Variants in KLF13 observed in about 807,000 individuals in gnomAD.
KLF13 encodes the protein KLF transcription factor 13.
Under a neutral mutation model 16.7 loss-of-function variants are expected in KLF13, and 8 were observed. That is an observed-to-expected ratio of 0.48 (90% CI 0.28 to 0.87). The LOEUF (loss-of-function observed/expected upper bound fraction) is 0.87, where lower values mean the gene tolerates loss of function less well. KLF13 is among the 40% of genes least tolerant of loss of function. KLF13 has a pLI of 0.10. For missense variants in KLF13, 447 were observed against 452.2 expected, an observed-to-expected ratio of 0.99 and a Z score of 0.10; for synonymous variants, 245 against 208.4, an observed-to-expected ratio of 1.18 and a Z score of -1.51.
At chr15:31,357,498 G>A (rs982662268) in intron 1 of KLF13, among the ~76,000 whole-genome samples, 1 of 152,218 alleles carries the variant, frequency 6.6e-6, no homozygotes, top group African/African-American at 2.4e-5. Flanking sequence ...TCTCCTTCCG[G>A]GTTTTCCCCC....
intron 1 of KLF13, among the ~76,000 whole-genome samples, chr15:31,354,835 C>T (rs1015898549): frequency 3.9e-5 from 6 of 152,134 alleles, no homozygotes; most frequent in African/African-American, 1.4e-4. Flanking sequence ...TGAAGGAAAT[C>T]CCAGATGCAA....
At chr15:31,397,406 G>A (rs756499465) in intron 2 of KLF13, among the ~76,000 whole-genome samples, 1 of 152,252 alleles carries the variant, frequency 6.6e-6, no homozygotes, top group Non-Finnish European at 1.5e-5. Flanking sequence ...CAGGCCTGGG[G>A]CGGTGGCGCC....
chr15:31,348,131 G>C (rs1251675944), intron 1 of KLF13, among the ~76,000 whole-genome samples: 1 of 152,344 alleles, frequency 6.6e-6, no homozygotes, highest in Non-Finnish European at 1.5e-5. Context: ...AAACACGCAG[G>C]CTTTGTGGGA....
chr15:31,420,543 T>G, intron 1 of KLF13: 1 of 535,004 alleles, frequency 1.9e-6, no homozygotes, highest in South Asian at 1.7e-5. Flanking sequence ...CAGAGCCTGC[T>G]AGGAGAACCC....
intron 1 of KLF13, among the ~76,000 whole-genome samples, chr15:31,417,605 G>A (rs775651202): frequency 2.6e-5 from 4 of 151,472 alleles, no homozygotes; most frequent in African/African-American, 4.9e-5. Context: ...GCAATGGTGC[G>A]ATCTCGGCTC....
At chr15:31,386,500 A>T (rs1366727970) in intron 1 of KLF13, among the ~76,000 whole-genome samples, 1 of 151,700 alleles carries the variant, frequency 6.6e-6, no homozygotes, top group African/African-American at 2.4e-5. Context: ...ACTCCATCTT[A>T]AAAAAAAAGA....
intron 1 of KLF13, among the ~76,000 whole-genome samples, chr15:31,336,300 A>G (rs1178069372): frequency 6.6e-6 from 1 of 152,182 alleles, no homozygotes; most frequent in African/African-American, 2.4e-5. Flanking sequence ...CAGTGACCCC[A>G]AGACCTATGG....
chr15:31,383,480 GGAGTGTCAGC>G lies in KLF13; in HGVS notation n.224-51887_224-51878del, dbSNP rs141441195. Among the ~76,000 whole-genome samples the G allele has an allele frequency of 1.8e-3, 279 of 152,344 alleles. 1 individual carries two copies. Among genetic ancestry groups the G allele is most frequent in the African/African-American group, 6.5e-3 (271 of 41,564 alleles). ...CACAGGGCCAGGAGAGGCACACATA[GGAGTGTCAGC>G]GATGATGACAGCCTAGTGCTGAGGA... On this transcript the variant is annotated intron_variant and non_coding_transcript_variant, in intron 1 of 1. Coordinates refer to the KLF13 transcript ENST00000558921.
intron 1 of KLF13, among the ~76,000 whole-genome samples, chr15:31,333,715 TC>T (rs760372558): frequency 6.6e-6 from 1 of 152,314 alleles, no homozygotes; most frequent in Non-Finnish European, 1.5e-5. Flanking sequence ...GGATTCAGGA[TC>T]CAGTTAATCA....
chr15:31,349,737 G>A lies in KLF13; in HGVS notation c.577+21948G>A, dbSNP rs529955902. Among the ~76,000 whole-genome samples, 23 of 152,324 alleles carry A rather than the reference G, an allele frequency of 1.5e-4. No individual in the cohort carries two copies. In the South Asian group the frequency reaches 3.9e-3, roughly 26 times the overall value. ...CCCCTGTGCCTGTGACCCAGGCTGG[G>A]AGCAGGGGGCTTCAGGTCCTCAGGC... On this transcript the variant is annotated intron_variant, in intron 1 of 1. Coordinates refer to ENST00000307145, the MANE Select transcript of KLF13 (RefSeq NM_015995.4).
upstream of KLF13, among the ~76,000 whole-genome samples, chr15:31,388,296 G>A (rs1476845796): frequency 6.6e-6 from 1 of 152,116 alleles, no homozygotes; most frequent in Non-Finnish European, 1.5e-5. Context: ...CTGAGAAAGT[G>A]CCAGTGAAAA....
In KLF13 at chr15:31,372,385, T is replaced by C; in HGVS notation, c.*86T>C. The C allele has an allele frequency of 2.3e-6, 3 of 1,319,066 alleles. No individual in the cohort carries two copies. The highest frequency in any genetic ancestry group is 2.9e-6 in the Non-Finnish European group (3 of 1,021,330). The allele number at this position is 1,319,066 out of a possible 1,614,324, so 81.7% of individuals were successfully genotyped here. A position where few individuals can be genotyped will look rare whatever the true frequency, so the allele number is the denominator to read the frequency against. ...GTAATAAGAAAGAAGAGAGAGAACT[T>C]GATGCAAAGTCCACGAAAAAACAAT... On this transcript the variant is annotated 3_prime_UTR_variant, in exon 2 of 2. Transcript: ENST00000307145.
At chr15:31,379,778 C>T (rs1490604466), downstream of KLF13, among the ~76,000 whole-genome samples, 3 of 152,170 alleles carry the variant, frequency 2.0e-5, no homozygotes, top group East Asian at 1.9e-4. Flanking sequence ...ATGACAGTGT[C>T]CTGGAGGCAG....
chr15:31,366,427 G>C, intron 1 of KLF13: 1 of 152,382 alleles, frequency 6.6e-6, no homozygotes, highest in Non-Finnish European at 1.5e-5. Flanking sequence ...GAACCCCTGG[G>C]GCCCTCCCAC....
At position 31,374,049 on chromosome 15, in the gene KLF13, A is replaced by C. The variant is rs2039603195; in HGVS notation, c.*1750A>C. ...CCTTGGTTGTGGCCATCCTGCTTCT[A>C]CTCAGCCCTGCCATGCTATGGGGTG... is the stretch of plus-strand genomic sequence containing the variant. On this transcript the variant is annotated 3_prime_UTR_variant, in exon 2 of 2. Coordinates refer to ENST00000307145, the MANE Select transcript of KLF13 (RefSeq NM_015995.4). 1 of 152,352 alleles carries C rather than the reference A, an allele frequency of 6.6e-6. No individual in the cohort carries two copies. The highest frequency in any genetic ancestry group is 1.5e-5 in the Non-Finnish European group (1 of 68,020). The allele number at this position is 152,352 out of a possible 1,614,324, so 9.4% of individuals were successfully genotyped here. A position where few individuals can be genotyped will look rare whatever the true frequency, so the allele number is the denominator to read the frequency against.
chr15:31,393,426 C>T (rs1037696238), intron 1 of KLF13: 1 of 151,590 alleles, frequency 6.6e-6, no homozygotes, highest in African/African-American at 2.4e-5. Context: ...CGGCCCGTCC[C>T]CCCCCCGTCC....
chr15:31,431,159 G>T (rs895720024), intron 1 of KLF13, among the ~76,000 whole-genome samples: 3 of 152,182 alleles, frequency 2.0e-5, no homozygotes, highest in African/African-American at 7.2e-5. Context: ...ACTCCACCAT[G>T]TGTGGACACA....
intron 1 of KLF13, among the ~76,000 whole-genome samples, chr15:31,344,763 A>G (rs1480429281): frequency 6.7e-6 from 1 of 148,514 alleles, no homozygotes; most frequent in Non-Finnish European, 1.5e-5. Flanking sequence ...CCTGGAATCC[A>G]GTGCAGAAAA....
chr15:31,363,868 G>T (rs1235414059), intron 1 of KLF13, among the ~76,000 whole-genome samples: 1 of 152,190 alleles, frequency 6.6e-6, no homozygotes, highest in African/African-American at 2.4e-5. Flanking sequence ...AATGTTTGTG[G>T]TTTTATTTTT....
Sources: gnomAD v4.1 joint callset for allele counts (sites outside exome capture counted in the v4.1 genomes callset) on GRCh38, gnomAD v4.1.1 for gene constraint, MANE v1.5 for transcripts, NCBI Gene and HGNC (gene_info 2026-07-23, HGNC 2026-07-21) for gene names.